The following ENTREP2 variants were observed in gnomAD, a reference collection of about 807,000 sequenced individuals.
ENTREP2 encodes the protein endosomal transmembrane epsin interactor 2, also known as protein ENTREP2.
At chr15:29,464,384 T>C in the ENTREP2 span, among the ~76,000 whole-genome samples, 145 of 152,248 alleles carry the variant, frequency 9.5e-4, no homozygotes, top group African/African-American at 3.4e-3. Flanking sequence ...TCAACACAAT[T>C]TCACTTTGAC....
chr15:29,365,560 C>G, the ENTREP2 span, among the ~76,000 whole-genome samples: 1 of 152,018 alleles, frequency 6.6e-6, no homozygotes, highest in African/African-American at 2.4e-5. Context: ...GACTAATATT[C>G]TATTGTCTAA....
chr15:29,488,124 C>T, the ENTREP2 span, among the ~76,000 whole-genome samples: 9 of 152,214 alleles, frequency 5.9e-5, no homozygotes, highest in African/African-American at 2.2e-4. Flanking sequence ...TTTAAATCAA[C>T]TGCCCTAAAT....
At chr15:29,156,826 G>A in the ENTREP2 span, among the ~76,000 whole-genome samples, 3 of 152,148 alleles carry the variant, frequency 2.0e-5, no homozygotes, top group Admixed American at 6.5e-5. Context: ...CAGTCTTAAC[G>A]AACACCTCAG....
At chr15:29,504,899 A>G in the ENTREP2 span, among the ~76,000 whole-genome samples, 1 of 152,244 alleles carries the variant, frequency 6.6e-6, no homozygotes, top group African/African-American at 2.4e-5. Flanking sequence ...CCTTGAAAAC[A>G]TATTTATCCC....
At chr15:29,342,525 A>G in the ENTREP2 span, among the ~76,000 whole-genome samples, 1 of 152,174 alleles carries the variant, frequency 6.6e-6, no homozygotes, top group Non-Finnish European at 1.5e-5. Context: ...CAAAGCGTGA[A>G]TTAACCTATA....
the ENTREP2 span, among the ~76,000 whole-genome samples, chr15:29,401,014 G>A: frequency 6.6e-6 from 1 of 152,178 alleles, no homozygotes; most frequent in Non-Finnish European, 1.5e-5. Context: ...GGTGGCCACT[G>A]CCCCTTCAAG....
chr15:29,185,335 T>C, the ENTREP2 span, among the ~76,000 whole-genome samples: 2 of 152,190 alleles, frequency 1.3e-5, no homozygotes, highest in Non-Finnish European at 2.9e-5. Flanking sequence ...TCATGCATTA[T>C]TCCAGTCCTA....
chr15:29,203,350 T>G, the ENTREP2 span, among the ~76,000 whole-genome samples: 1 of 152,100 alleles, frequency 6.6e-6, no homozygotes, highest in Non-Finnish European at 1.5e-5. Context: ...TGCAGTGAGC[T>G]GAGATCGCGC....
At chr15:29,426,319 C>G in the ENTREP2 span, among the ~76,000 whole-genome samples, 1 of 152,160 alleles carries the variant, frequency 6.6e-6, no homozygotes, top group African/African-American at 2.4e-5. Context: ...GCTGCATTAT[C>G]TTCTAGCATT....
chr15:29,384,724 C>T, the ENTREP2 span, among the ~76,000 whole-genome samples: 1 of 152,110 alleles, frequency 6.6e-6, no homozygotes, highest in African/African-American at 2.4e-5. Flanking sequence ...TCCGAGACAG[C>T]CCCCATCTTC....
the ENTREP2 span, among the ~76,000 whole-genome samples, chr15:29,632,821 C>T: frequency 5.9e-5 from 9 of 152,210 alleles, no homozygotes; most frequent in Non-Finnish European, 1.3e-4. Context: ...TGGCTGGATC[C>T]TCCCTCTGCT....
At chr15:29,184,905 A>G in the ENTREP2 span, among the ~76,000 whole-genome samples, 1 of 151,904 alleles carries the variant, frequency 6.6e-6, no homozygotes, top group South Asian at 2.1e-4. Flanking sequence ...GAGAGAGGAG[A>G]AGGCAGTATT....
chr15:29,316,922 T>C, the ENTREP2 span, among the ~76,000 whole-genome samples: 1 of 152,166 alleles, frequency 6.6e-6, no homozygotes, highest in African/African-American at 2.4e-5. Context: ...GAAACAAATA[T>C]TACAAATTTG....
the ENTREP2 span, among the ~76,000 whole-genome samples, chr15:29,496,976 T>G: frequency 2.1e-4 from 32 of 152,200 alleles, no homozygotes; most frequent in African/African-American, 7.0e-4. Context: ...AGTTAATGTG[T>G]TAGAAACTTA....
At chr15:29,185,775 T>TGGTCTC in the ENTREP2 span, among the ~76,000 whole-genome samples, 485 of 152,308 alleles carry the variant, frequency 3.2e-3, 2 homozygotes, top group African/African-American at 0.011. Flanking sequence ...TTGGCCAGGC[T>TGGTCTC]GGTCTCGAAC....
the ENTREP2 span, among the ~76,000 whole-genome samples, chr15:29,562,426 A>G: frequency 1.3e-5 from 2 of 152,222 alleles, no homozygotes; most frequent in African/African-American, 4.8e-5. Context: ...CTTTCTCCCA[A>G]AACACTGAGA....
the ENTREP2 span, among the ~76,000 whole-genome samples, chr15:29,628,996 C>G: frequency 4.6e-5 from 7 of 152,090 alleles, no homozygotes; most frequent in Non-Finnish European, 1.0e-4. Flanking sequence ...GTGCTCTACC[C>G]GCCTCGGCCT....
chr15:29,175,274 C>A, the ENTREP2 span, among the ~76,000 whole-genome samples: 1 of 152,162 alleles, frequency 6.6e-6, no homozygotes, highest in African/African-American at 2.4e-5. Flanking sequence ...GATACGTGTA[C>A]CTCACCGGGT....
At chr15:29,609,764 C>A in the ENTREP2 span, 1 of 150,376 alleles carries the variant, frequency 6.6e-6, no homozygotes, top group South Asian at 2.1e-4. Flanking sequence ...ACCCTTTACA[C>A]AAGTGCATAT....
Sources: gnomAD v4.1 joint callset for allele counts (sites outside exome capture counted in the v4.1 genomes callset) on GRCh38, gnomAD v4.1.1 for gene constraint, MANE v1.5 for transcripts, NCBI Gene and HGNC (gene_info 2026-07-23, HGNC 2026-07-21) for gene names.